ATXN10: variants seen among roughly 807,000 people sequenced by gnomAD.
The protein encoded by ATXN10 is ataxin 10, also known as ataxin-10.
Under a neutral mutation model 52.9 loss-of-function variants are expected in ATXN10, and 28 were observed. That is an observed-to-expected ratio of 0.53 (90% confidence interval 0.39 to 0.73). The LOEUF is 0.73. Ranked by LOEUF, ATXN10 falls within the 30% of genes least tolerant of loss-of-function variation. The pLI, the probability that ATXN10 is intolerant of heterozygous loss-of-function variation, is 0.00. For missense variants in ATXN10, 565 were observed against 577.0 expected (o/e 0.98, Z 0.21); for synonymous variants, 226 against 221.5 (o/e 1.02, Z -0.18).
In ATXN10 at chr22:45,689,154, C is replaced by T. The variant is rs113053189; in HGVS notation, c.117-558C>T. ...TGTGTTGTCAGCCTCACTGTGTCTA[C>T]AGAGTAGATAGTATCCTTGTCCTAC... is the stretch of plus-strand genomic sequence containing the variant. On this transcript the variant is annotated intron_variant, in intron 1 of 11. Transcript: ENST00000252934. Among the ~76,000 whole-genome samples the T allele has an allele frequency of 1.7e-3, 257 of 152,300 alleles. 1 individual carries two copies. The highest frequency in any genetic ancestry group is 5.5e-3 in the African/African-American group (227 of 41,566).
At chr22:45,729,068 A>C (rs1462785607) in intron 6 of ATXN10, among the ~76,000 whole-genome samples, 8 of 152,230 alleles carry the variant, frequency 5.3e-5, no homozygotes, top group African/African-American at 1.9e-4. Flanking sequence ...TCCGTAGAAA[A>C]TGGTGAATGA....
chr22:45,782,042 T>C (rs927920668), intron 9 of ATXN10, among the ~76,000 whole-genome samples: 2 of 152,178 alleles, frequency 1.3e-5, no homozygotes, highest in Non-Finnish European at 2.9e-5. Flanking sequence ...GCAAAAACCA[T>C]AAACCTACAA....
intron 1 of ATXN10, 64 bp downstream of exon 1, chr22:45,672,243 C>A: frequency 7.1e-7 from 1 of 1,403,062 alleles, no homozygotes; most frequent in Non-Finnish European, 9.2e-7. Flanking sequence ...CCGCGGCGGC[C>A]CCGGCCTGGA....
rs1374787331 is a variant in ATXN10 at position 45,732,121 on chromosome 22, T to C, written c.894+2531T>C. ...CTTCTATTTTTCCTTTGGACTTTTT[T>C]CTCTAAGATGGGAAGTATTTTTATA... is the stretch of plus-strand genomic sequence containing the variant. On this transcript the variant is annotated intron_variant, in intron 7 of 11. Coordinates refer to ENST00000252934, the MANE Select transcript of ATXN10 (RefSeq NM_013236.4). The surrounding 1 kb of genome is among the most constrained non-coding windows in gnomAD (Gnocchi z 4.5). Among the ~76,000 whole-genome samples the C allele has an allele frequency of 1.3e-5, 2 of 152,198 alleles. No homozygotes were observed. The highest frequency in any genetic ancestry group is 2.9e-5 in the Non-Finnish European group (2 of 68,038).
chr22:45,730,537 A>C (rs1383536426), intron 7 of ATXN10, among the ~76,000 whole-genome samples: 1 of 152,058 alleles, frequency 6.6e-6, no homozygotes, highest in African/African-American at 2.4e-5. Flanking sequence ...GGGTTCAGTC[A>C]ATTCTCCTGT....
At chr22:45,725,742 C>A (rs1294930482) in intron 6 of ATXN10, among the ~76,000 whole-genome samples, 1 of 152,060 alleles carries the variant, frequency 6.6e-6, no homozygotes, top group Non-Finnish European at 1.5e-5. Flanking sequence ...TGTCTTGTTC[C>A]AGTTCTTAGG....
Position 45,825,541 on chromosome 22 carries a change from A to C in ATXN10, c.1238-17450A>C, listed in dbSNP as rs1284505631. 6.6e-6 allele frequency among the ~76,000 whole-genome samples: 1 copy of C among 152,152 alleles called. No individual in the cohort carries two copies. Among genetic ancestry groups the C allele is most frequent in the Non-Finnish European group, 1.5e-5 (1 of 68,042 alleles). On this transcript the variant is annotated intron_variant, in intron 10 of 11. Transcript: ENST00000252934. The surrounding 1 kb of genome is among the most constrained non-coding windows in gnomAD (Gnocchi z 4.5). ...AGAAATAATAATAATAATGAACAGTAACAAAAGTAGCAAACACTTTGTCTT... is the reference window on the plus strand; with the variant it reads ...AGAAATAATAATAATAATGAACAGTCACAAAAGTAGCAAACACTTTGTCTT...
Position 45,816,995 on chromosome 22 carries a change from G to GC in ATXN10, c.1237+9974dup, listed in dbSNP as rs1928482773. ...ACCTCGAGATGGCGCAGCTGGCTAG[G>GC]CTCGGTGTGGTTTGTAAAAGATAGC... is the stretch of plus-strand genomic sequence containing the variant. On this transcript the variant is annotated intron_variant, in intron 10 of 11. Transcript: ENST00000252934. This position sits in a 1 kb window ranked among gnomAD's most constrained non-coding sequence, Gnocchi z 5.8. Among the ~76,000 whole-genome samples, 3 of 152,210 alleles carry GC rather than the reference G, an allele frequency of 2.0e-5. No individual in the cohort carries two copies. Among genetic ancestry groups the GC allele is most frequent in the Admixed American group, 1.3e-4 (2 of 15,280 alleles).
chr22:45,685,768 T>A (rs1198603341), intron 1 of ATXN10, among the ~76,000 whole-genome samples: 1 of 152,156 alleles, frequency 6.6e-6, no homozygotes, highest in Non-Finnish European at 1.5e-5. Flanking sequence ...ATGAAAGTTG[T>A]TGACATATTA....
In ATXN10 at chr22:45,708,628, A is replaced by C. The variant is rs558433326; in HGVS notation, c.647+5781A>C. On this transcript the variant is annotated intron_variant, in intron 5 of 11. Transcript: ENST00000252934. This position sits in a 1 kb window ranked among gnomAD's most constrained non-coding sequence, Gnocchi z 5.3. ...TGAGGCATGAACTCTTTTCAGTTTT[A>C]GCCTCTTTTGGTGTAAACTTTTTCT... Among the ~76,000 whole-genome samples, 1 of 152,180 alleles carries C rather than the reference A, an allele frequency of 6.6e-6. No individual in the cohort carries two copies. The highest frequency in any genetic ancestry group is 1.9e-4 in the East Asian group (1 of 5,170).
rs1474501569 is a variant in ATXN10, at chr22:45,688,080, A to G, written c.117-1632A>G. 6.6e-6 allele frequency among the ~76,000 whole-genome samples: 1 copy of G among 152,148 alleles called. No individual in the cohort carries two copies. The highest frequency in any genetic ancestry group is 1.5e-5 in the Non-Finnish European group (1 of 68,030). On this transcript the variant is annotated intron_variant, in intron 1 of 11. Transcript: ENST00000252934. The surrounding 1 kb of genome is among the most constrained non-coding windows in gnomAD (Gnocchi z 4.0). ...CTCAAAAAAAAGAGTGTTAGTGAGT[A>G]TTCTTCCATTCTTCTTACGGCAATG... is the stretch of plus-strand genomic sequence containing the variant.
intron 9 of ATXN10, among the ~76,000 whole-genome samples, chr22:45,778,931 G>A (rs1569061173): frequency 5.3e-5 from 8 of 152,178 alleles, no homozygotes; most frequent in Non-Finnish European, 1.5e-5. Context: ...AGGCATGTCT[G>A]GTGAGTGGAA....
intron 9 of ATXN10, among the ~76,000 whole-genome samples, chr22:45,743,598 A>G (rs1464412535): frequency 6.6e-6 from 1 of 152,178 alleles, no homozygotes; most frequent in African/African-American, 2.4e-5. Flanking sequence ...TTTAAGGGAA[A>G]TTTGGCTCTG....
chr22:45,676,699 G>C (rs1346142952), intron 1 of ATXN10: 1 of 152,042 alleles, frequency 6.6e-6, no homozygotes, highest in Non-Finnish European at 1.5e-5. Flanking sequence ...GGTTGGTCTT[G>C]AACTCCCGAC....
rs899505394 is a variant in ATXN10, at chr22:45,820,315, G to C, written c.1237+13293G>C. 6.6e-6 allele frequency among the ~76,000 whole-genome samples: 1 copy of C among 152,228 alleles called. No homozygotes were observed. The highest frequency in any genetic ancestry group is 2.4e-5 in the African/African-American group (1 of 41,468). On this transcript the variant is annotated intron_variant, in intron 10 of 11. Coordinates refer to ENST00000252934, the MANE Select transcript of ATXN10 (RefSeq NM_013236.4). The surrounding 1 kb of genome is among the most constrained non-coding windows in gnomAD (Gnocchi z 4.9). ...AAGCTCTGATCACCGTCTAGTTGGA[G>C]AAACAGGCCATTGTGATAATACAGG...
At chr22:45,806,870 T>TTATATA (rs2146884494) in intron 9 of ATXN10, 89 bp from the exon 10 acceptor site, 1 of 1,005,978 alleles carries the variant, frequency 9.9e-7, no homozygotes, top group Admixed American at 1.7e-5. Context: ...TAACATTGAG[T>TTATATA]AAGAAAACAC....
intron 5 of ATXN10, among the ~76,000 whole-genome samples, chr22:45,706,061 GT>G (rs900251139): frequency 6.6e-6 from 1 of 152,212 alleles, no homozygotes; most frequent in African/African-American, 2.4e-5. Context: ...ACTAATGCCT[GT>G]TGATCTGAGG....
chr22:45,756,636 C>T (rs1002992853), intron 9 of ATXN10, among the ~76,000 whole-genome samples: 1 of 152,158 alleles, frequency 6.6e-6, no homozygotes, highest in African/African-American at 2.4e-5. Context: ...CCCAGTCCAG[C>T]TGAAACTGCC....
Position 45,770,395 on chromosome 22 carries a change from A to AG in ATXN10, c.1173+29863dup, listed in dbSNP as rs999421820. Among the ~76,000 whole-genome samples the AG allele has an allele frequency of 2.6e-5, 4 of 152,256 alleles. No individual in the cohort carries two copies. The highest frequency in any genetic ancestry group is 1.9e-4 in the East Asian group (1 of 5,186). ...GGTTGGGACAGGTGATGTGAAAAAG[A>AG]GGGGGGTATGTGATGAATATACACA... On this transcript the variant is annotated intron_variant, in intron 9 of 11. Transcript: ENST00000252934. This position sits in a 1 kb window ranked among gnomAD's most constrained non-coding sequence, Gnocchi z 4.5.
Sources: allele counts gnomAD v4.1 joint callset (sites outside exome capture counted in the v4.1 genomes callset), GRCh38; gene constraint gnomAD v4.1.1; non-coding constraint Gnocchi (gnomAD v3.1); transcripts MANE v1.5; gene names NCBI Gene and HGNC (gene_info 2026-07-23, HGNC 2026-07-21).